The following NAV2 variants were observed in gnomAD, a reference collection of about 807,000 sequenced individuals.
The protein encoded by NAV2 is helicase, APC down-regulated 1.
A neutral mutation model predicts 223.2 loss-of-function variants in NAV2; 54 were observed. The ratio of observed to expected loss-of-function variants is 0.24; its 90% CI spans 0.19 to 0.30. The LOEUF (loss-of-function observed/expected upper bound fraction) is 0.30. Ranked by LOEUF, NAV2 falls within the 10% of genes least tolerant of loss-of-function variation. The pLI is 1.00. For missense variants in NAV2, 2,806 were observed against 3,147.5 expected (o/e 0.89, Z 2.60); for synonymous variants, 1,279 against 1,239.3 (o/e 1.03, Z -0.67).
intron 8 of NAV2, among the ~76,000 whole-genome samples, chr11:19,945,145 C>T (rs1275641994): frequency 7.8e-6 from 1 of 128,078 alleles, no homozygotes; most frequent in African/African-American, 2.9e-5. Flanking sequence ...TTCTTCCTTT[C>T]TTTCTGTCTC....
intron 1 of NAV2, among the ~76,000 whole-genome samples, chr11:19,631,002 C>T (rs186085951): frequency 1.4e-5 from 2 of 143,938 alleles, no homozygotes; most frequent in East Asian, 4.1e-4. Flanking sequence ...AGTTTAAAAG[C>T]AGTGTTTTGT....
intron 1 of NAV2, among the ~76,000 whole-genome samples, chr11:19,444,917 T>C (rs1462836862): frequency 2.0e-5 from 3 of 152,212 alleles, no homozygotes; most frequent in East Asian, 1.9e-4. Flanking sequence ...ATGGATATTA[T>C]GGGACTTGGA....
rs1306060570 is a variant in NAV2 at position 19,870,195 on chromosome 11, G to T, written c.511+1198G>T. 9.9e-5 allele frequency among the ~76,000 whole-genome samples: 15 copies of T among 152,154 alleles called. 1 individual carries two copies. The highest frequency in any genetic ancestry group is 3.6e-4 in the African/African-American group (15 of 41,428). On this transcript the variant is annotated intron_variant, in intron 4 of 37. Coordinates refer to ENST00000349880, the MANE Select transcript of NAV2 (RefSeq NM_145117.5). The stretch of plus-strand genomic sequence containing the variant: ...GAAGATTCCCCAGCCCTGGGGTACG[G>T]ACCCTCATCCATGGGGATAAGATCA...
chr11:19,827,323 G>A (rs777758747), intron 1 of NAV2, among the ~76,000 whole-genome samples: 14 of 152,192 alleles, frequency 9.2e-5, no homozygotes, highest in Non-Finnish European at 2.1e-4. Context: ...ACAACTGCTC[G>A]GCTTTGCTTT....
At chr11:19,440,366 G>A (rs940959165) in intron 1 of NAV2, among the ~76,000 whole-genome samples, 5 of 152,184 alleles carry the variant, frequency 3.3e-5, no homozygotes, top group Non-Finnish European at 7.3e-5. Flanking sequence ...GTTAAACCAA[G>A]TGCTTCAGGA....
chr11:19,466,984 T>TACATACACAC (rs1852375164), intron 1 of NAV2, among the ~76,000 whole-genome samples: 1 of 125,142 alleles, frequency 8.0e-6, no homozygotes, highest in African/African-American at 3.1e-5. Context: ...TCTCTCTCTC[T>TACATACACAC]ACACACACAC....
intron 3 of NAV2, among the ~76,000 whole-genome samples, chr11:19,861,182 G>A (rs186091396): frequency 7.7e-4 from 117 of 152,300 alleles, no homozygotes; most frequent in African/African-American, 2.8e-3. Flanking sequence ...TGGGCAAGAG[G>A]TAATGTGGGA....
intron 1 of NAV2, among the ~76,000 whole-genome samples, chr11:19,356,208 G>T (rs935225015): frequency 6.6e-6 from 1 of 152,164 alleles, no homozygotes; most frequent in Non-Finnish European, 1.5e-5. Context: ...AAGACGAAAG[G>T]AGAGAGACTG....
chr11:19,697,351 G>GA (rs1156577129), intron 1 of NAV2, among the ~76,000 whole-genome samples: 1 of 151,974 alleles, frequency 6.6e-6, no homozygotes, highest in Non-Finnish European at 1.5e-5. Context: ...TGGATGATGG[G>GA]ATCGTTGAGA....
chr11:19,641,405 G>A (rs908051653), intron 1 of NAV2, among the ~76,000 whole-genome samples: 1 of 152,002 alleles, frequency 6.6e-6, no homozygotes, highest in African/African-American at 2.4e-5. Context: ...CTTTATGCCT[G>A]GAATACTGCA....
intron 1 of NAV2, among the ~76,000 whole-genome samples, chr11:19,663,329 A>G (rs1311164337): frequency 6.6e-6 from 1 of 152,206 alleles, no homozygotes; most frequent in Non-Finnish European, 1.5e-5. Context: ...TGAGCATTTT[A>G]TATACATTAT....
At chr11:19,393,997 G>T (rs1295156197) in intron 1 of NAV2, among the ~76,000 whole-genome samples, 1 of 142,108 alleles carries the variant, frequency 7.0e-6, no homozygotes, top group Non-Finnish European at 1.5e-5. Context: ...TTTGGAAACT[G>T]TAAACCTGGA....
intron 3 of NAV2, among the ~76,000 whole-genome samples, chr11:19,850,318 G>T (rs1345980285): frequency 1.3e-5 from 2 of 152,092 alleles, no homozygotes; most frequent in African/African-American, 4.8e-5. Flanking sequence ...TCTTGTGGTT[G>T]TCTGTTTACT....
chr11:19,527,961 C>CACACACACACACACACACACACACACAG (rs1388364119), intron 1 of NAV2, among the ~76,000 whole-genome samples: 7 of 152,074 alleles, frequency 4.6e-5, no homozygotes, highest in African/African-American at 1.7e-4. Context: ...CACACACACA[C>CACACACACACACACACACACACACACAG]ACACACACAC....
chr11:19,419,703 A>T (rs566117475), intron 1 of NAV2, among the ~76,000 whole-genome samples: 12 of 152,356 alleles, frequency 7.9e-5, no homozygotes, highest in African/African-American at 2.4e-4. Flanking sequence ...CCAGTCCACC[A>T]TAATGAAACT....
intron 1 of NAV2, among the ~76,000 whole-genome samples, chr11:19,538,624 G>C (rs532622088): frequency 6.6e-6 from 1 of 151,934 alleles, no homozygotes; most frequent in South Asian, 2.1e-4. Context: ...AAAGTGCTGA[G>C]ATTACAGGCG....
intron 2 of NAV2, among the ~76,000 whole-genome samples, chr11:19,839,689 T>C (rs147849089): frequency 1.3e-5 from 2 of 152,262 alleles, no homozygotes; most frequent in Admixed American, 6.5e-5. Context: ...GTTGAAATGT[T>C]CTGAATCCTT....
rs147673308 is a variant in NAV2 at position 19,524,628 on chromosome 11, G to C, written c.75+173601G>C. The stretch of plus-strand genomic sequence containing the variant: ...AGCTGACGTCAGTACTGGCTTTGGT[G>C]GGGGGCTGGGCCTAAAAGGGCCAGG... On this transcript the variant is annotated intron_variant, in intron 1 of 37. Transcript: ENST00000360655. 9.3e-4 allele frequency among the ~76,000 whole-genome samples: 141 copies of C among 151,584 alleles called. 1 individual carries two copies. Among genetic ancestry groups the C allele is most frequent in the Non-Finnish European group, 1.4e-3 (95 of 68,020 alleles).
intron 1 of NAV2, among the ~76,000 whole-genome samples, chr11:19,685,098 G>A (rs1456049922): frequency 6.6e-6 from 1 of 152,162 alleles, no homozygotes; most frequent in African/African-American, 2.4e-5. Flanking sequence ...GACCCTCAGA[G>A]GAGGCCCTAC....
Sources: allele counts gnomAD v4.1 joint callset (sites outside exome capture counted in the v4.1 genomes callset), GRCh38; gene constraint gnomAD v4.1.1; transcripts MANE v1.5; gene names NCBI Gene and HGNC (gene_info 2026-07-23, HGNC 2026-07-21).